POLDIP3: variants seen among roughly 807,000 people sequenced by gnomAD.
The protein encoded by POLDIP3 is DNA polymerase delta interacting protein 3, also known as polymerase delta-interacting protein 3.
In POLDIP3, 14 loss-of-function variants were observed where a neutral mutation model predicts 45.1. That is an observed-to-expected ratio of 0.31 (90% CI 0.20 to 0.49). The LOEUF is 0.49. Ranked by LOEUF, POLDIP3 falls within the 20% of genes least tolerant of loss-of-function variation. POLDIP3 has a pLI of 0.99. For synonymous variants in POLDIP3, 223 were observed against 205.2 expected, an observed-to-expected ratio of 1.09 and a Z score of -0.74; for missense variants, 511 against 538.8, an observed-to-expected ratio of 0.95 and a Z score of 0.51.
chr22:42,603,216 A>G, intron 1 of POLDIP3, 56 bp from the exon 2 acceptor site: 2 of 1,564,854 alleles, frequency 1.3e-6, no homozygotes, highest in African/African-American at 1.3e-5. Context: ...ACAGCAGTCT[A>G]TGAAAGCGGA....
intron 7 of POLDIP3, among the ~76,000 whole-genome samples, 192 bp from the exon 8 acceptor site, chr22:42,587,764 T>C (rs551172158): frequency 6.6e-6 from 1 of 152,158 alleles, no homozygotes; most frequent in East Asian, 1.9e-4. Context: ...TGAGGAAACC[T>C]CAGCAGTGGA....
At position 42,584,679 on chromosome 22, in the gene POLDIP3, G is replaced by C. The variant is rs1174586546; in HGVS notation, c.*1112C>G. The C allele has an allele frequency of 2.8e-6, 1 of 353,052 alleles. No individual in the cohort carries two copies. Among genetic ancestry groups the C allele is most frequent in the African/African-American group, 2.2e-5 (1 of 46,478 alleles). The allele number at this position is 353,052 out of a possible 1,614,324, so 21.9% of individuals were successfully genotyped here. On this transcript the variant is annotated 3_prime_UTR_variant, in exon 9 of 9. Transcript: ENST00000252115. ...CTGGGGAAACACCTTGCCTGGTAGA[G>C]CTGCCCTGCTCCCTTGACTCCTCCT... is the stretch of plus-strand genomic sequence containing the variant.
Position 42,584,633 on chromosome 22 carries a change from T to C in POLDIP3, c.*1158A>G. ...GGACTGCCTGGGCTCTGAAGTTTCG[T>C]CCCAACTGTCTGCGCCTATGCTGGG... is the stretch of plus-strand genomic sequence containing the variant. On this transcript the variant is annotated 3_prime_UTR_variant, in exon 9 of 9. Coordinates refer to ENST00000252115, the MANE Select transcript of POLDIP3 (RefSeq NM_032311.5). The C allele has an allele frequency of 3.0e-6, 1 of 331,862 alleles. No individual in the cohort carries two copies. 20.6% of individuals were successfully genotyped at this position (331,862 alleles called of 1,614,324 possible).
chr22:42,601,885 G>A (rs1926402083), intron 3 of POLDIP3, 85 bp downstream of exon 3: 1 of 1,477,238 alleles, frequency 6.8e-7, no homozygotes, highest in Admixed American at 1.8e-5. Context: ...ATCCACCCAA[G>A]TAGGCCTCAT....
In POLDIP3 at chr22:42,585,260, C is replaced by A. The variant is rs2146794782; in HGVS notation, c.*531G>T. On this transcript the variant is annotated 3_prime_UTR_variant, in exon 9 of 9. Coordinates refer to ENST00000252115, the MANE Select transcript of POLDIP3 (RefSeq NM_032311.5). ...GAGGACAAGAGGCCTGAGACCTGCT[C>A]CCCACCCAGGCACCTCCACTGACAA... 1.9e-6 allele frequency: 1 copy of A among 515,998 alleles called. No individual in the cohort carries two copies. The highest frequency in any genetic ancestry group is 5.5e-5 in the East Asian group (1 of 18,274). The allele number at this position is 515,998 out of a possible 1,614,324, so 32.0% of individuals were successfully genotyped here.
In POLDIP3 at chr22:42,599,643, C is replaced by T. The variant is rs890725712; in HGVS notation, c.633+55G>A. The T allele has an allele frequency of 1.2e-5, 16 of 1,307,218 alleles. No individual in the cohort carries two copies. The Admixed American group carries it at 2.1e-4, about 17-fold the overall frequency. 81.0% of individuals were successfully genotyped at this position (1,307,218 alleles called of 1,614,324 possible). On this transcript the variant is annotated intron_variant, in intron 4 of 8. Coordinates refer to ENST00000252115, the MANE Select transcript of POLDIP3 (RefSeq NM_032311.5). ...AAACAACAGGTTCTATTCAACACGA[C>T]CTCTCCCACCTGCCTGATCAGACAC...
At chr22:42,592,892 C>A (rs1925755794) in intron 6 of POLDIP3, among the ~76,000 whole-genome samples, 1 of 152,184 alleles carries the variant, frequency 6.6e-6, no homozygotes, top group Non-Finnish European at 1.5e-5. Flanking sequence ...CCTGCAACTG[C>A]CTTCACAAGG....
Position 42,614,818 on chromosome 22 carries a change from C to T in POLDIP3, c.40G>A (p.Gly14Arg). 1.2e-6 allele frequency: 2 copies of T among 1,614,086 alleles called. No individual in the cohort carries two copies. Among genetic ancestry groups the T allele is most frequent in the Non-Finnish European group, 1.7e-6 (2 of 1,179,956 alleles). Residue 14 changes from glycine (G) to arginine (R), a missense_variant, in exon 1 of 9, where the codon GGG becomes AGG. Physicochemically the swap from Gly to Arg is moderately radical, Grantham distance 125. This residue lies in a region of POLDIP3 where 378 missense variants were observed against 352.3 expected (regional missense o/e 1.07). Transcript: ENST00000252115. ...ISLDELIRKR[G>R]AAAKGRLNAR... ...TCTCACCGTCCTTTCGCCGCCGCCC[C>T]GCGCTTCCTGATGAGTTCGTCCAGG...
intron 7 of POLDIP3, among the ~76,000 whole-genome samples, chr22:42,589,414 C>A (rs1277894661): frequency 6.6e-6 from 1 of 152,088 alleles, no homozygotes; most frequent in East Asian, 1.9e-4. Flanking sequence ...ACTGAAGGGT[C>A]AATTCATCAG....
intron 3 of POLDIP3, 26 bp downstream of exon 3, chr22:42,601,944 C>T: frequency 6.2e-7 from 1 of 1,609,504 alleles, no homozygotes; most frequent in Non-Finnish European, 8.5e-7. Context: ...CAGATTCTCT[C>T]TCTCTCTCTC....
chr22:42,607,655 G>A (rs1926829594), intron 1 of POLDIP3, among the ~76,000 whole-genome samples: 1 of 151,900 alleles, frequency 6.6e-6, no homozygotes, highest in South Asian at 2.1e-4. Flanking sequence ...TCCCATCTAG[G>A]AAGTGAGGAG....
chr22:42,597,174 C>T (rs1430573901), intron 4 of POLDIP3, among the ~76,000 whole-genome samples: 1 of 152,162 alleles, frequency 6.6e-6, no homozygotes, highest in Non-Finnish European at 1.5e-5. Flanking sequence ...TGGATGTGGT[C>T]CCTTGGAAAC....
At chr22:42,596,065 C>G in intron 5 of POLDIP3, 121 bp downstream of exon 5, 1 of 1,136,886 alleles carries the variant, frequency 8.8e-7, no homozygotes, top group South Asian at 1.5e-5. Context: ...TTGGTTTGCT[C>G]ATCTGTAGAA....
At chr22:42,609,290 G>A (rs73173086) in intron 1 of POLDIP3, among the ~76,000 whole-genome samples, 7 of 152,184 alleles carry the variant, frequency 4.6e-5, no homozygotes, top group Admixed American at 2.0e-4. Context: ...ACTGAGTCTC[G>A]TAATGCCCCA....
intron 1 of POLDIP3, among the ~76,000 whole-genome samples, chr22:42,613,719 C>G (rs952361985): frequency 1.3e-5 from 2 of 152,078 alleles, no homozygotes; most frequent in Admixed American, 6.5e-5. Context: ...CGAGATGGCA[C>G]CACTGCACTC....
At chr22:42,592,135 C>CCGCT in intron 6 of POLDIP3, 51 bp from the exon 7 acceptor site, 1 of 1,610,076 alleles carries the variant, frequency 6.2e-7, no homozygotes, top group Non-Finnish European at 8.5e-7. Context: ...TCAGCACCTG[C>CCGCT]CGCTCACACA....
rs114424774 is a variant in POLDIP3, at chr22:42,605,908, G to A, written c.60-2748C>T. 5.3e-3 allele frequency among the ~76,000 whole-genome samples: 809 copies of A among 151,268 alleles called. 6 individuals are homozygous for A. The highest frequency in any genetic ancestry group is 0.019 in the African/African-American group (779 of 41,192). ...TGTAATCCCAGCACTTTGGGAGGCC[G>A]AGGCTGATGGATTACTTGAGGTGAG... On this transcript the variant is annotated intron_variant, in intron 1 of 8. Transcript: ENST00000252115.
rs529745183 is a variant in POLDIP3, at chr22:42,614,686, G to A, written c.59+113C>T. 9.1e-6 allele frequency: 11 copies of A among 1,214,558 alleles called. No homozygotes were observed. In the South Asian group the frequency reaches 1.1e-4, roughly 12 times the overall value. 75.2% of individuals were successfully genotyped at this position (1,214,558 alleles called of 1,614,324 possible). A position where few individuals can be genotyped will look rare whatever the true frequency, so the allele number is the denominator to read the frequency against. Reference sequence around the variant, plus strand: ...CCGGCCAATGAGGAGCGCGGCTGTGGTCGGGGGCGGGCGCACCCGGTCCTC... The same window carrying A: ...CCGGCCAATGAGGAGCGCGGCTGTGATCGGGGGCGGGCGCACCCGGTCCTC... On this transcript the variant is annotated intron_variant, in intron 1 of 8. Coordinates refer to ENST00000252115, the MANE Select transcript of POLDIP3 (RefSeq NM_032311.5).
At chr22:42,591,118 A>G (rs944842474) in intron 7 of POLDIP3, among the ~76,000 whole-genome samples, 1 of 151,606 alleles carries the variant, frequency 6.6e-6, no homozygotes, top group African/African-American at 2.4e-5. Flanking sequence ...TAAAAAAAAG[A>G]AAGAAAAAGG....
Sources: gnomAD v4.1 joint callset for allele counts (sites outside exome capture counted in the v4.1 genomes callset) on GRCh38, gnomAD v4.1.1 for gene constraint, gnomAD v4.1.1 regional missense constraint, MANE v1.5 for transcripts, NCBI Gene and HGNC (gene_info 2026-07-23, HGNC 2026-07-21) for gene names.